ZNF638: variants seen among roughly 807,000 people sequenced by gnomAD.
ZNF638 encodes CTCL tumor antigen se33-1.
In ZNF638, 46 loss-of-function variants were observed where a neutral mutation model predicts 195.6. That is an observed-to-expected ratio of 0.24 (90% CI 0.19 to 0.30). The LOEUF (loss-of-function observed/expected upper bound fraction) is 0.30. Ranked by LOEUF, ZNF638 falls within the 10% of genes least tolerant of loss-of-function variation. ZNF638 has a pLI of 1.00. For missense variants in ZNF638, 2,440 were observed against 2,325.3 expected, an observed-to-expected ratio of 1.05 and a Z score of -1.01; for synonymous variants, 845 against 772.0, an observed-to-expected ratio of 1.09 and a Z score of -1.57.
intron 20 of ZNF638, among the ~76,000 whole-genome samples, chr2:71,410,600 G>T (rs1189719206): frequency 6.6e-6 from 1 of 152,090 alleles, no homozygotes; most frequent in Non-Finnish European, 1.5e-5. Context: ...CAATGTCCTA[G>T]TTCTCAAGGA....
Position 71,426,849 on chromosome 2 carries a change from T to G in ZNF638, c.4980T>G (p.Pro1660=). 6.2e-7 allele frequency: 1 copy of G among 1,614,028 alleles called. No individual in the cohort carries two copies. The highest frequency in any genetic ancestry group is 8.5e-7 in the Non-Finnish European group (1 of 1,179,898). Residue 1660 remains proline (P), a synonymous_variant, in exon 24 of 28, where the codon CCT becomes CCG. Transcript: ENST00000264447. ...ATGATTGCATTTCCCACAGTGAACC[T>G]AAAGATGTTACTGTTCTGTCAGTGG... ...DQDDCISHSE[P]KDVTVLSVAE... is the part of the protein sequence containing the mutation.
At position 71,423,677 on chromosome 2, in the gene ZNF638, C is replaced by G. The variant is rs1297645986; in HGVS notation, c.4163C>G (p.Ser1388Cys). 1 of 1,613,882 alleles carries G rather than the reference C, an allele frequency of 6.2e-7. No homozygotes were observed. Among genetic ancestry groups the G allele is most frequent in the Middle Eastern group, 1.6e-4 (1 of 6,062 alleles). ...AGTATTCTGGCTGTATCAGATGTATCTAGCAGTAAACCAAGCATCAAGGCT... is the reference window on the plus strand; with the variant it reads ...AGTATTCTGGCTGTATCAGATGTATGTAGCAGTAAACCAAGCATCAAGGCT... The part of the protein sequence containing the change: ...KTSILAVSDV[S>C]SSKPSIKAVI... The change falls in exon 22 of 28, where the codon TCT (serine) becomes TGT (cysteine). Residue 1388 changes from serine (S) to cysteine (C), a missense_variant. Coordinates refer to ENST00000264447, the MANE Select transcript of ZNF638 (RefSeq NM_014497.5).
intron 2 of ZNF638, among the ~76,000 whole-genome samples, chr2:71,352,526 C>T (rs950610167): frequency 5.4e-5 from 8 of 147,606 alleles, no homozygotes; most frequent in East Asian, 2.0e-4. Flanking sequence ...GGAGGGTTGG[C>T]GGCAACAACA....
In ZNF638 at chr2:71,423,754, C is replaced by G. The variant is rs1382553164; in HGVS notation, c.4240C>G (p.Gln1414Glu). Reference sequence around the variant, plus strand: ...AGCTACAGTTTCAAAAACTGAAAATCAGAAAAGTTTTCCAAAATCTGTGCC... The same window carrying G: ...AGCTACAGTTTCAAAAACTGAAAATGAGAAAAGTTTTCCAAAATCTGTGCC... ...AKATVSKTEN[Q>E]KSFPKSVPRD... The change falls in exon 22 of 28, where the codon CAG (glutamine) becomes GAG (glutamate). Residue 1414 changes from glutamine (Q) to glutamate (E), a missense_variant. This residue lies in a region of ZNF638 where 1,883 missense variants were observed against 1,739.1 expected (regional missense o/e 1.08). Transcript: ENST00000264447. The G allele has an allele frequency of 1.2e-6, 2 of 1,613,880 alleles. No homozygotes were observed. The highest frequency in any genetic ancestry group is 3.3e-5 in the Admixed American group (2 of 60,014).
At chr2:71,385,050 A>G (rs745342246) in intron 10 of ZNF638, among the ~76,000 whole-genome samples, 1 of 152,162 alleles carries the variant, frequency 6.6e-6, no homozygotes, top group Non-Finnish European at 1.5e-5. Flanking sequence ...GAAATGAGAA[A>G]AGGTGGGGGA....
rs191070250 is a variant in ZNF638, at chr2:71,397,884, T to A, written c.2429-817T>A. On this transcript the variant is annotated intron_variant, in intron 11 of 27. Transcript: ENST00000264447. ...ATGGTCAGAGCAATTTAAATAGTAC[T>A]GTACAGCTAGGAAACTGTAGGAATG... Among the ~76,000 whole-genome samples the A allele has an allele frequency of 1.7e-4, 26 of 152,318 alleles. 1 individual carries two copies. The highest frequency in any genetic ancestry group is 3.2e-4 in the Non-Finnish European group (22 of 68,012).
At chr2:71,374,427 G>A (rs1279251682) in intron 8 of ZNF638, among the ~76,000 whole-genome samples, 1 of 152,034 alleles carries the variant, frequency 6.6e-6, no homozygotes, top group African/African-American at 2.4e-5. Flanking sequence ...CTTTCTTGTA[G>A]AGTTATTTTT....
At chr2:71,333,338 C>T (rs1490071123) in intron 1 of ZNF638, among the ~76,000 whole-genome samples, 1 of 152,048 alleles carries the variant, frequency 6.6e-6, no homozygotes. Flanking sequence ...GTCTTGGAAC[C>T]AAGAAAGGGT....
chr2:71,368,882 G>C (rs549325876), intron 7 of ZNF638, among the ~76,000 whole-genome samples: 4 of 152,326 alleles, frequency 2.6e-5, no homozygotes, highest in African/African-American at 7.2e-5. Flanking sequence ...TAGGTAGTAT[G>C]CCATAGTTTG....
At chr2:71,357,445 C>T (rs933909666) in intron 3 of ZNF638, among the ~76,000 whole-genome samples, 19 of 152,194 alleles carry the variant, frequency 1.2e-4, no homozygotes, top group African/African-American at 4.3e-4. Context: ...CTTACTGCCA[C>T]TGTAAGGAAT....
At chr2:71,432,389 C>A (rs568605305) in intron 26 of ZNF638, among the ~76,000 whole-genome samples, 2 of 152,090 alleles carry the variant, frequency 1.3e-5, no homozygotes, top group African/African-American at 2.4e-5. Flanking sequence ...TTGGTAGATA[C>A]AGGGTTTCAC....
In ZNF638 at chr2:71,399,622, C is replaced by T. The variant is rs1218777701; in HGVS notation, c.2564C>T (p.Ser855Phe). 1.2e-6 allele frequency: 2 copies of T among 1,612,444 alleles called. No individual in the cohort carries two copies. Among genetic ancestry groups the T allele is most frequent in the Admixed American group, 3.3e-5 (2 of 59,836 alleles). ...ACTGGGAATGTCAAAAACAAAGACTCTAACAAACCTGTGACTATACCAGGT... is the reference window on the plus strand; with the variant it reads ...ACTGGGAATGTCAAAAACAAAGACTTTAACAAACCTGTGACTATACCAGGT... Reference protein sequence around the residue: ...KKTGNVKNKDSNKPVTIPENS... With the variant: ...KKTGNVKNKDFNKPVTIPENS... The change falls in exon 13 of 28, where the codon TCT becomes TTT. Residue 855 changes from serine (S) to phenylalanine (F), a missense_variant. Physicochemically the swap from Ser to Phe is radical, Grantham distance 155 (BLOSUM62 -2). Coordinates refer to ENST00000264447, the MANE Select transcript of ZNF638 (RefSeq NM_014497.5).
chr2:71,349,249 C>A lies in ZNF638; in HGVS notation c.295C>A (p.Pro99Thr). ...FHEAQQKKGK[P>T]HGSRWDDEPH... ...TGAAGCACAACAGAAGAAGGGGAAG[C>A]CTCATGGTAGCCGGTGGGATGATGA... is the stretch of plus-strand genomic sequence containing the variant. The change falls in exon 2 of 28, where the codon CCT becomes ACT. Residue 99 changes from proline to threonine, a missense_variant. Physicochemically the swap from Pro to Thr is conservative, Grantham distance 38. Coordinates refer to ENST00000264447, the MANE Select transcript of ZNF638 (RefSeq NM_014497.5). The A allele has an allele frequency of 3.1e-6, 5 of 1,614,164 alleles. No homozygotes were observed. The highest frequency in any genetic ancestry group is 4.2e-6 in the Non-Finnish European group (5 of 1,180,034).
chr2:71,336,010 A>G (rs1573009837), intron 1 of ZNF638, among the ~76,000 whole-genome samples: 1 of 152,230 alleles, frequency 6.6e-6, no homozygotes, highest in East Asian at 1.9e-4. Flanking sequence ...TGCTTTTTAT[A>G]CATTATTTAG....
intron 26 of ZNF638, among the ~76,000 whole-genome samples, chr2:71,431,887 G>T (rs1359825669): frequency 6.6e-6 from 1 of 152,174 alleles, no homozygotes; most frequent in Non-Finnish European, 1.5e-5. Flanking sequence ...CATTTTTGAA[G>T]ACAGCTTACT....
chr2:71,337,503 C>G (rs1300120465), intron 1 of ZNF638, among the ~76,000 whole-genome samples: 11 of 152,052 alleles, frequency 7.2e-5, no homozygotes. Flanking sequence ...ATCTCTGCCT[C>G]CTGGGCTCAA....
rs904337502 is a variant in ZNF638 at position 71,418,738 on chromosome 2, C to G, written c.3299+99C>G. On this transcript the variant is annotated intron_variant, in intron 21 of 27. Transcript: ENST00000264447. ...AATGGCTCACATGTAGTGAAAAGTT[C>G]TTTTCTGCATATTTATTTTGTGTAC... 2.2e-5 allele frequency: 18 copies of G among 822,854 alleles called. No homozygotes were observed. The African/African-American group carries it at 2.8e-4, about 13-fold the overall frequency. The allele number at this position is 822,854 out of a possible 1,614,324, so 51.0% of individuals were successfully genotyped here. A position where few individuals can be genotyped will look rare whatever the true frequency, so the allele number is the denominator to read the frequency against.
At chr2:71,390,807 C>A (rs368832404) in intron 10 of ZNF638, among the ~76,000 whole-genome samples, 3 of 152,266 alleles carry the variant, frequency 2.0e-5, no homozygotes, top group African/African-American at 7.2e-5. Context: ...ATTGTCAGCA[C>A]TGGCTAAGTG....
rs776701667 is a variant in ZNF638 at position 71,380,547 on chromosome 2, G to T, written c.2359G>T (p.Val787Phe). 6.2e-7 allele frequency: 1 copy of T among 1,603,050 alleles called. No homozygotes were observed. Among genetic ancestry groups the T allele is most frequent in the Non-Finnish European group, 8.5e-7 (1 of 1,175,682 alleles). The change falls in exon 10 of 28, where the codon GTT (valine) becomes TTT (phenylalanine). Residue 787 changes from valine (V) to phenylalanine (F), a missense_variant. Around this residue, in one of 5 missense-constraint regions of ZNF638, gnomAD observed 1,883 missense variants for 1,739.1 expected, o/e 1.08. Coordinates refer to ENST00000264447, the MANE Select transcript of ZNF638 (RefSeq NM_014497.5). ...AGATGCTTCAAAAGCTGTTGAAATT[G>T]TTACTTCAACTTCTGCTGGTAAGTT... is the stretch of plus-strand genomic sequence containing the variant. ...DADASKAVEI[V>F]TSTSAAKTGQ...
Sources: allele counts gnomAD v4.1 joint callset (sites outside exome capture counted in the v4.1 genomes callset), GRCh38; gene constraint gnomAD v4.1.1; regional missense constraint gnomAD v4.1.1; transcripts MANE v1.5; gene names NCBI Gene and HGNC (gene_info 2026-07-23, HGNC 2026-07-21).